Variants in PPP2R2B observed in about 807,000 individuals in gnomAD.
The protein encoded by PPP2R2B is protein phosphatase 2 regulatory subunit Bbeta, also known as serine/threonine-protein phosphatase 2A 55 kDa regulatory subunit B beta isoform.
A neutral mutation model predicts 46.0 loss-of-function variants in PPP2R2B; 5 were observed. The observed-to-expected ratio is 0.11, with a 90% confidence interval of 0.06 to 0.23. PPP2R2B has a LOEUF of 0.23. PPP2R2B is among the 10% of genes least tolerant of loss of function. PPP2R2B has a pLI of 1.00. For synonymous variants in PPP2R2B, 215 were observed against 206.7 expected (o/e 1.04, Z -0.34); for missense variants, 367 against 575.0 (o/e 0.64, Z 3.70).
intron 5 of PPP2R2B, among the ~76,000 whole-genome samples, chr5:146,659,157 G>A (rs1433131466): frequency 6.6e-6 from 1 of 152,176 alleles, no homozygotes; most frequent in East Asian, 1.9e-4. Context: ...TTCTTTTAGT[G>A]GGTATTGGTG....
At chr5:147,059,653 C>A (rs986678316), upstream of PPP2R2B, among the ~76,000 whole-genome samples, 2 of 152,148 alleles carry the variant, frequency 1.3e-5, no homozygotes, top group African/African-American at 4.8e-5. Flanking sequence ...AGAGCAGAGT[C>A]CAGTGACAAG....
At position 146,844,673 on chromosome 5, in the gene PPP2R2B, C is replaced by T. The variant is rs572098007; in HGVS notation, c.70+33329G>A. On this transcript the variant is annotated intron_variant, in intron 2 of 9. Transcript: ENST00000394411. ...GCACCCTGAACACTGAAAGTATGCA[C>T]TTCCTTTACAAAGAGCAGCTCAACA... is the stretch of plus-strand genomic sequence containing the variant. Among the ~76,000 whole-genome samples the T allele has an allele frequency of 3.9e-5, 6 of 152,350 alleles. 1 individual carries two copies. The highest frequency in any genetic ancestry group is 1.2e-4 in the African/African-American group (5 of 41,594).
At chr5:146,608,758 C>G (rs1214741175) in intron 7 of PPP2R2B, among the ~76,000 whole-genome samples, 1 of 152,096 alleles carries the variant, frequency 6.6e-6, no homozygotes, top group Non-Finnish European at 1.5e-5. Flanking sequence ...GCACTCCAGC[C>G]TGGGCCACAG....
At chr5:146,732,157 C>CGG (rs1752271781) in intron 2 of PPP2R2B, among the ~76,000 whole-genome samples, 3 of 152,170 alleles carry the variant, frequency 2.0e-5, no homozygotes, top group African/African-American at 7.2e-5. Flanking sequence ...CTCATTTATT[C>CGG]TGCTTCTAAC....
chr5:146,887,855 C>T (rs1393006752), intron 1 of PPP2R2B, among the ~76,000 whole-genome samples: 1 of 152,130 alleles, frequency 6.6e-6, no homozygotes, highest in African/African-American at 2.4e-5. Flanking sequence ...AGTAGAGAAC[C>T]ATTAGTAGTC....
chr5:146,652,395 A>C (rs1776030483), intron 5 of PPP2R2B, among the ~76,000 whole-genome samples: 1 of 152,188 alleles, frequency 6.6e-6, no homozygotes, highest in Admixed American at 6.5e-5. Flanking sequence ...GGAGTGTTCA[A>C]CTGGTAAGCA....
chr5:146,823,342 C>T (rs1265848814), intron 2 of PPP2R2B, among the ~76,000 whole-genome samples: 1 of 152,100 alleles, frequency 6.6e-6, no homozygotes, highest in Non-Finnish European at 1.5e-5. Context: ...GGACTACAGG[C>T]GCCCACCACA....
At chr5:147,073,295 G>T (rs1401481060) in intron 2 of PPP2R2B, among the ~76,000 whole-genome samples, 2 of 152,138 alleles carry the variant, frequency 1.3e-5, no homozygotes, top group African/African-American at 2.4e-5. Context: ...GTTATGCAAA[G>T]AACCCGCTTC....
At chr5:146,936,531 A>C (rs1458537552) in intron 1 of PPP2R2B, among the ~76,000 whole-genome samples, 1 of 151,766 alleles carries the variant, frequency 6.6e-6, no homozygotes, top group African/African-American at 2.4e-5. Context: ...AAAAAAAAGA[A>C]AAAACAAGAC....
intron 2 of PPP2R2B, among the ~76,000 whole-genome samples, chr5:146,837,145 A>G (rs1759336648): frequency 6.6e-6 from 1 of 152,230 alleles, no homozygotes; most frequent in Non-Finnish European, 1.5e-5. Context: ...ATACACATTC[A>G]GTAGAAAATG....
chr5:146,737,633 C>T (rs961806085), intron 2 of PPP2R2B, among the ~76,000 whole-genome samples: 9 of 152,046 alleles, frequency 5.9e-5, no homozygotes, highest in Admixed American at 5.9e-4. Context: ...TAATTTGCCC[C>T]TAAGTAATAT....
chr5:146,816,190 G>A (rs1432056759), intron 2 of PPP2R2B, among the ~76,000 whole-genome samples: 1 of 152,104 alleles, frequency 6.6e-6, no homozygotes, highest in Non-Finnish European at 1.5e-5. Flanking sequence ...GCTCGCTTGA[G>A]CCCAGGAGTT....
intron 1 of PPP2R2B, among the ~76,000 whole-genome samples, chr5:146,968,209 G>A (rs1752520338): frequency 6.6e-6 from 1 of 152,172 alleles, no homozygotes; most frequent in Non-Finnish European, 1.5e-5. Context: ...TCAGTTCAGA[G>A]TTTCCACCCT....
chr5:146,745,774 A>G (rs1753153448), intron 2 of PPP2R2B, among the ~76,000 whole-genome samples: 1 of 152,230 alleles, frequency 6.6e-6, no homozygotes, highest in South Asian at 2.1e-4. Context: ...CCTGGACAAC[A>G]TGGTGAAATC....
chr5:147,032,179 C>T (rs138842955), intron 1 of PPP2R2B, among the ~76,000 whole-genome samples: 19 of 152,088 alleles, frequency 1.2e-4, no homozygotes, highest in African/African-American at 3.9e-4. Context: ...GAATCTACAA[C>T]GAACTCAAAC....
chr5:146,656,880 G>GT (rs1256844485), intron 5 of PPP2R2B, among the ~76,000 whole-genome samples: 22 of 152,098 alleles, frequency 1.4e-4, no homozygotes, highest in African/African-American at 4.8e-4. Flanking sequence ...CATTCCTTCT[G>GT]TCTCTGCTCA....
intron 4 of PPP2R2B, among the ~76,000 whole-genome samples, chr5:146,695,304 C>G (rs1247341989): frequency 5.3e-5 from 8 of 151,768 alleles, no homozygotes; most frequent in East Asian, 1.9e-4. Flanking sequence ...TTTCCATGAA[C>G]ATGTACTAAT....
chr5:146,699,702 G>T (rs949659696), intron 3 of PPP2R2B, among the ~76,000 whole-genome samples: 3 of 139,238 alleles, frequency 2.2e-5, no homozygotes, highest in Non-Finnish European at 4.6e-5. Context: ...AGCTGGAAAA[G>T]GAGGTTTGAA....
intron 1 of PPP2R2B, among the ~76,000 whole-genome samples, chr5:147,006,423 C>T (rs759943286): frequency 5.9e-5 from 9 of 152,138 alleles, no homozygotes; most frequent in Admixed American, 6.6e-5. Flanking sequence ...AAAAAGTTAA[C>T]GGTGTAACAT....
Sources: gnomAD v4.1 joint callset for allele counts (sites outside exome capture counted in the v4.1 genomes callset) on GRCh38, gnomAD v4.1.1 for gene constraint, MANE v1.5 for transcripts, NCBI Gene and HGNC (gene_info 2026-07-23, HGNC 2026-07-21) for gene names.